ZNF804B: variants seen among roughly 807,000 people sequenced by gnomAD.
The protein encoded by ZNF804B is zinc finger 804B.
Under a neutral mutation model 101.4 loss-of-function variants are expected in ZNF804B, and 80 were observed. The ratio of observed to expected loss-of-function variants is 0.79; its 90% CI spans 0.66 to 0.95. The LOEUF (loss-of-function observed/expected upper bound fraction) is 0.95, where lower values mean the gene tolerates loss of function less well. ZNF804B is among the 40% of genes least tolerant of loss of function. The probability of loss-of-function intolerance (pLI) is 0.00; values close to 1 mark genes in which losing one functional copy is unlikely to be tolerated. For synonymous variants in ZNF804B, 622 were observed against 558.8 expected (o/e 1.11, Z -1.59); for missense variants, 1,673 against 1,561.9 (o/e 1.07, Z -1.20).
At chr7:88,813,381 C>T (rs1038239571) in intron 1 of ZNF804B, among the ~76,000 whole-genome samples, 3 of 147,722 alleles carry the variant, frequency 2.0e-5, no homozygotes, top group Non-Finnish European at 4.4e-5. Context: ...GCCGAGATCA[C>T]GCCACAGCAC....
At chr7:88,884,100 G>A (rs1792083399) in intron 1 of ZNF804B, among the ~76,000 whole-genome samples, 1 of 150,822 alleles carries the variant, frequency 6.6e-6, no homozygotes, top group Non-Finnish European at 1.5e-5. Context: ...CTTCCCTTAG[G>A]GTATTATTTT....
chr7:88,838,115 T>A (rs1057203072), intron 1 of ZNF804B, among the ~76,000 whole-genome samples: 5 of 151,886 alleles, frequency 3.3e-5, no homozygotes, highest in African/African-American at 1.2e-4. Flanking sequence ...AATTGCTTTT[T>A]TAATCACTGT....
At chr7:89,085,924 G>A (rs1231846688) in intron 1 of ZNF804B, among the ~76,000 whole-genome samples, 2 of 151,710 alleles carry the variant, frequency 1.3e-5, no homozygotes, top group African/African-American at 4.8e-5. Flanking sequence ...GATTCTTCCG[G>A]GATTTTTAAA....
chr7:88,873,186 A>G (rs1446030777), intron 1 of ZNF804B, among the ~76,000 whole-genome samples: 2 of 151,912 alleles, frequency 1.3e-5, no homozygotes, highest in African/African-American at 4.8e-5. Flanking sequence ...ATGGTATCTC[A>G]TTGTGGTTTT....
At chr7:88,912,671 C>A (rs942414193) in intron 1 of ZNF804B, among the ~76,000 whole-genome samples, 1 of 152,058 alleles carries the variant, frequency 6.6e-6, no homozygotes, top group Non-Finnish European at 1.5e-5. Flanking sequence ...ATATACTAAT[C>A]CGGCTCTTCA....
Position 89,334,892 on chromosome 7 carries a change from A to G in ZNF804B, c.1910A>G (p.His637Arg), listed in dbSNP as rs2116004122. Reference protein sequence around the residue: ...FPSYISRFKKHKLIPCSPHLE... With the variant: ...FPSYISRFKKRKLIPCSPHLE... The stretch of plus-strand genomic sequence containing the variant: ...TCCTACATCTCTAGGTTTAAAAAGC[A>G]TAAATTGATTCCCTGCAGTCCTCAT... Residue 637 changes from histidine to arginine, a missense_variant, in exon 4 of 4, where the codon CAT (histidine) becomes CGT (arginine). Coordinates refer to ENST00000333190, the MANE Select transcript of ZNF804B (RefSeq NM_181646.5). 1.2e-6 allele frequency: 2 copies of G among 1,613,840 alleles called. No individual in the cohort carries two copies. Among genetic ancestry groups the G allele is most frequent in the Non-Finnish European group, 8.5e-7 (1 of 1,179,876 alleles).
chr7:89,062,058 C>T (rs1263501501), intron 1 of ZNF804B, among the ~76,000 whole-genome samples: 3 of 152,010 alleles, frequency 2.0e-5, no homozygotes, highest in East Asian at 3.9e-4. Context: ...GACTGGATAC[C>T]GTATCCAGGA....
At chr7:88,911,791 G>C (rs1792553926) in intron 1 of ZNF804B, among the ~76,000 whole-genome samples, 1 of 151,352 alleles carries the variant, frequency 6.6e-6, no homozygotes. Context: ...GTTCTGTTTT[G>C]CCCTTTTCTA....
intron 1 of ZNF804B, among the ~76,000 whole-genome samples, chr7:88,835,329 A>G (rs1294097684): frequency 1.3e-5 from 2 of 151,826 alleles, no homozygotes; most frequent in East Asian, 1.9e-4. Flanking sequence ...GTGTCGATAT[A>G]TTGAATTTTA....
chr7:89,260,349 T>G (rs1789692919), intron 2 of ZNF804B, among the ~76,000 whole-genome samples: 1 of 151,104 alleles, frequency 6.6e-6, no homozygotes, highest in Non-Finnish European at 1.5e-5. Context: ...TTGTGGCACT[T>G]TTTTTTTTGA....
At chr7:89,316,685 T>C (rs1346309805) in intron 2 of ZNF804B, among the ~76,000 whole-genome samples, 1 of 152,150 alleles carries the variant, frequency 6.6e-6, no homozygotes, top group Admixed American at 6.6e-5. Flanking sequence ...GAGGTTGTAA[T>C]GTAAACTAAT....
intron 1 of ZNF804B, among the ~76,000 whole-genome samples, chr7:88,820,695 GT>G (rs1790963765): frequency 6.6e-6 from 1 of 152,162 alleles, no homozygotes; most frequent in Admixed American, 6.5e-5. Context: ...AGCACTGCAA[GT>G]TGCCTTTTCT....
intron 1 of ZNF804B, among the ~76,000 whole-genome samples, chr7:88,829,476 A>T (rs554013009): frequency 6.6e-6 from 1 of 152,126 alleles, no homozygotes; most frequent in Admixed American, 6.6e-5. Flanking sequence ...TATTAAACCA[A>T]TGTGATCCTA....
At chr7:89,286,906 C>T (rs368296331) in intron 2 of ZNF804B, among the ~76,000 whole-genome samples, 3 of 151,944 alleles carry the variant, frequency 2.0e-5, no homozygotes, top group Admixed American at 6.6e-5. Context: ...CTAGGTGTTC[C>T]GGTCTCTCCT....
At chr7:88,835,513 A>G (rs1791200463) in intron 1 of ZNF804B, among the ~76,000 whole-genome samples, 1 of 151,926 alleles carries the variant, frequency 6.6e-6, no homozygotes, top group African/African-American at 2.4e-5. Context: ...GAAGGCTATC[A>G]CTGGCCAATG....
chr7:88,823,306 A>G (rs1445363955), intron 1 of ZNF804B, among the ~76,000 whole-genome samples: 1 of 152,224 alleles, frequency 6.6e-6, no homozygotes, highest in African/African-American at 2.4e-5. Context: ...TGAAATACTC[A>G]AAACACAAAA....
At chr7:89,193,623 T>C (rs1461209319) in intron 1 of ZNF804B, among the ~76,000 whole-genome samples, 4 of 151,860 alleles carry the variant, frequency 2.6e-5, no homozygotes, top group African/African-American at 7.3e-5. Context: ...TCATCCATGT[T>C]CCTACAAAGG....
intron 1 of ZNF804B, among the ~76,000 whole-genome samples, chr7:89,122,485 G>C (rs966626165): frequency 6.6e-6 from 1 of 152,296 alleles, no homozygotes; most frequent in Non-Finnish European, 1.5e-5. Context: ...CTGACTTTTA[G>C]TAGGTATTAT....
At chr7:88,954,299 A>C (rs1346978887) in intron 1 of ZNF804B, among the ~76,000 whole-genome samples, 1 of 151,758 alleles carries the variant, frequency 6.6e-6, no homozygotes, top group Non-Finnish European at 1.5e-5. Context: ...CAAAATAGGA[A>C]TGTGAATTGT....
Sources: gnomAD v4.1 joint callset for allele counts (sites outside exome capture counted in the v4.1 genomes callset) on GRCh38, gnomAD v4.1.1 for gene constraint, MANE v1.5 for transcripts, NCBI Gene and HGNC (gene_info 2026-07-23, HGNC 2026-07-21) for gene names.